The following MSRA variants were observed in gnomAD, a reference collection of about 807,000 sequenced individuals.
The protein encoded by MSRA is methionine sulfoxide reductase A.
MSRA carries 54 observed loss-of-function variants against 31.3 expected under a neutral mutation model. That is an observed-to-expected ratio of 1.73 (90% CI 1.39 to 2.17). MSRA has a LOEUF of 2.17. Ranked by LOEUF, MSRA falls within the 30% of genes most tolerant of loss-of-function variation. The probability of loss-of-function intolerance (pLI) is 0.00; values close to 1 mark genes in which losing one functional copy is unlikely to be tolerated. For missense variants in MSRA, 507 were observed against 300.9 expected, an observed-to-expected ratio of 1.69 and a Z score of -5.07; for synonymous variants, 169 against 116.5, an observed-to-expected ratio of 1.45 and a Z score of -2.90.
chr8:10,416,989 G>C (rs1314946490), intron 5 of MSRA, among the ~76,000 whole-genome samples: 1 of 152,226 alleles, frequency 6.6e-6, no homozygotes, highest in Non-Finnish European at 1.5e-5. Flanking sequence ...AGGACACAGA[G>C]GAATAGATAA....
At chr8:10,264,378 A>G (rs567094862) in intron 3 of MSRA, among the ~76,000 whole-genome samples, 1 of 152,380 alleles carries the variant, frequency 6.6e-6, no homozygotes, top group South Asian at 2.1e-4. Context: ...TTATATGCAC[A>G]TAGTTTTAAA....
At chr8:10,384,087 G>C (rs893230434) in intron 5 of MSRA, among the ~76,000 whole-genome samples, 1 of 152,146 alleles carries the variant, frequency 6.6e-6, no homozygotes, top group Non-Finnish European at 1.5e-5. Context: ...ACATTTAGCT[G>C]CCAGTTTCAG....
At position 10,168,240 on chromosome 8, in the gene MSRA, A is replaced by G. The variant is rs560238510; in HGVS notation, c.143-39593A>G. ...AGCATCAGGCACATACATGTTAACT[A>G]CTATTACTTTATTAATAATCTTGGT... On this transcript the variant is annotated intron_variant, in intron 1 of 5. Coordinates refer to ENST00000317173, the MANE Select transcript of MSRA (RefSeq NM_012331.5). Among the ~76,000 whole-genome samples the G allele has an allele frequency of 2.5e-4, 38 of 152,318 alleles. 1 individual carries two copies. The South Asian group carries it at 7.3e-3, about 29-fold the overall frequency.
chr8:10,151,068 C>T (rs1018317033), intron 1 of MSRA, among the ~76,000 whole-genome samples: 5 of 151,608 alleles, frequency 3.3e-5, no homozygotes, highest in Admixed American at 3.3e-4. Context: ...TACCCTCTAT[C>T]TAGTTGGGAT....
At chr8:10,164,318 A>G (rs951807115) in intron 1 of MSRA, among the ~76,000 whole-genome samples, 1 of 152,088 alleles carries the variant, frequency 6.6e-6, no homozygotes, top group African/African-American at 2.4e-5. Context: ...TAGGTGAAAA[A>G]TCCCTCCGAG....
chr8:10,341,482 C>T (rs936213155), intron 5 of MSRA, among the ~76,000 whole-genome samples: 1 of 152,222 alleles, frequency 6.6e-6, no homozygotes, highest in Non-Finnish European at 1.5e-5. Context: ...ACACCTTCCA[C>T]TAGGCCCCAC....
intron 2 of MSRA, among the ~76,000 whole-genome samples, chr8:10,213,549 G>C (rs1809711284): frequency 6.8e-6 from 1 of 146,492 alleles, no homozygotes; most frequent in African/African-American, 2.5e-5. Flanking sequence ...CAATTCTCCT[G>C]CCTCAGCTTC....
chr8:10,232,605 A>G (rs891810463), intron 2 of MSRA, among the ~76,000 whole-genome samples: 5 of 152,316 alleles, frequency 3.3e-5, no homozygotes, highest in South Asian at 2.1e-4. Flanking sequence ...ATGTGTTTGG[A>G]AAAGGGCTTT....
rs144020418 is a variant in MSRA, at chr8:10,226,276, C to T, written c.211+18375C>T. ...AAAGGTTTAACTTTCCACTAATAGC[C>T]CTCCCAGCTCTGCTGTTCCTTCTGG... On this transcript the variant is annotated intron_variant, in intron 2 of 5. Transcript: ENST00000317173. 7.6e-4 allele frequency among the ~76,000 whole-genome samples: 116 copies of T among 152,322 alleles called. 1 individual carries two copies. The highest frequency in any genetic ancestry group is 2.6e-3 in the African/African-American group (110 of 41,570).
At chr8:10,298,359 G>T (rs1371560026) in intron 3 of MSRA, among the ~76,000 whole-genome samples, 1 of 152,146 alleles carries the variant, frequency 6.6e-6, no homozygotes, top group Non-Finnish European at 1.5e-5. Context: ...GCCGAGTTAA[G>T]TAAGACAGTC....
At chr8:10,225,831 C>A (rs1049477296) in intron 2 of MSRA, among the ~76,000 whole-genome samples, 3 of 152,130 alleles carry the variant, frequency 2.0e-5, no homozygotes, top group African/African-American at 4.8e-5. Flanking sequence ...TGACCATCTA[C>A]CGGGTGCCAA....
intron 4 of MSRA, among the ~76,000 whole-genome samples, chr8:10,318,694 A>C (rs1380305908): frequency 2.0e-5 from 3 of 152,132 alleles, no homozygotes; most frequent in Non-Finnish European, 4.4e-5. Flanking sequence ...AAGCAGGGCC[A>C]CTTCTTGTAT....
At chr8:10,228,059 C>G (rs77532437) in intron 2 of MSRA, among the ~76,000 whole-genome samples, 2,137 of 152,296 alleles carry the variant, frequency 0.014, 21 homozygotes, top group Non-Finnish European at 0.021. Context: ...CCAGAAGAGA[C>G]TTACTCCAGG....
intron 2 of MSRA, among the ~76,000 whole-genome samples, chr8:10,226,916 T>G (rs984658673): frequency 1.1e-4 from 16 of 152,150 alleles, no homozygotes; most frequent in African/African-American, 3.6e-4. Context: ...TCCTTTATCG[T>G]CACCATGTCC....
chr8:10,380,706 G>A (rs552037986), intron 5 of MSRA, among the ~76,000 whole-genome samples: 26 of 152,206 alleles, frequency 1.7e-4, no homozygotes, highest in Non-Finnish European at 3.5e-4. Flanking sequence ...ATTTTTGAAT[G>A]GATGGATAGA....
At chr8:10,265,803 T>C (rs112637764) in intron 3 of MSRA, among the ~76,000 whole-genome samples, 2 of 152,226 alleles carry the variant, frequency 1.3e-5, no homozygotes, top group African/African-American at 4.8e-5. Context: ...CAACCTCTGA[T>C]CTGCTTCCTG....
At chr8:10,154,160 T>G (rs1469103263) in intron 1 of MSRA, among the ~76,000 whole-genome samples, 1 of 152,150 alleles carries the variant, frequency 6.6e-6, no homozygotes, top group African/African-American at 2.4e-5. Flanking sequence ...CCTGATCTTG[T>G]TGAGGGATGG....
chr8:10,325,707 C>T (rs1400399954), intron 5 of MSRA, among the ~76,000 whole-genome samples: 6 of 152,166 alleles, frequency 3.9e-5, no homozygotes, highest in Non-Finnish European at 8.8e-5. Context: ...GTGCTTTAGC[C>T]TTTACCTTAA....
At chr8:10,086,101 G>T (rs538097628) in intron 1 of MSRA, among the ~76,000 whole-genome samples, 11 of 152,322 alleles carry the variant, frequency 7.2e-5, no homozygotes, top group Admixed American at 3.9e-4. Context: ...CCTATGATCA[G>T]TGTAACTTTT....
Sources: allele counts gnomAD v4.1 joint callset (sites outside exome capture counted in the v4.1 genomes callset), GRCh38; gene constraint gnomAD v4.1.1; transcripts MANE v1.5; gene names NCBI Gene and HGNC (gene_info 2026-07-23, HGNC 2026-07-21).